LRP1B: variants seen among roughly 807,000 people sequenced by gnomAD.
The protein encoded by LRP1B is low-density lipoprotein receptor-related protein 1B.
Under a neutral mutation model 556.6 loss-of-function variants are expected in LRP1B, and 217 were observed. That is an observed-to-expected ratio of 0.39 (90% CI 0.35 to 0.44). The LOEUF is 0.44. LRP1B is among the 20% of genes least tolerant of loss of function. The probability of loss-of-function intolerance (pLI) is 1.00; values close to 1 mark genes in which losing one functional copy is unlikely to be tolerated. For missense variants in LRP1B, 5,053 were observed against 5,620.8 expected (o/e 0.90, Z 3.23); for synonymous variants, 2,047 against 1,865.8 (o/e 1.10, Z -2.50).
chr2:142,129,909 T>C lies in LRP1B; in HGVS notation c.82+739A>G, dbSNP rs190944134. The stretch of plus-strand genomic sequence containing the variant: ...TACCTCCTTTCTCCTCTGCTCCCCA[T>C]ATCCATTCCCTTCTAAACTTCTACC... On this transcript the variant is annotated intron_variant, in intron 1 of 90. Coordinates refer to ENST00000389484, the MANE Select transcript of LRP1B (RefSeq NM_018557.3). Among the ~76,000 whole-genome samples the C allele has an allele frequency of 2.2e-3, 329 of 152,204 alleles. 4 individuals carry two copies. The highest frequency in any genetic ancestry group is 0.01 in the Middle Eastern group (3 of 294).
At chr2:140,952,487 T>A (rs1174403456) in intron 18 of LRP1B, among the ~76,000 whole-genome samples, 1 of 150,110 alleles carries the variant, frequency 6.7e-6, no homozygotes, top group Non-Finnish European at 1.5e-5. Context: ...AAGTATGAAA[T>A]CTTAGTCTAC....
At chr2:140,933,374 G>T (rs1695110629) in intron 20 of LRP1B, among the ~76,000 whole-genome samples, 1 of 152,042 alleles carries the variant, frequency 6.6e-6, no homozygotes, top group African/African-American at 2.4e-5. Context: ...TCATTACTGA[G>T]GAATGAAGTC....
Position 140,274,554 on chromosome 2 carries a change from C to T in LRP1B, c.13012G>A (p.Gly4338Arg), listed in dbSNP as rs775514879. 6.2e-7 allele frequency: 1 copy of T among 1,612,458 alleles called. No homozygotes were observed. The highest frequency in any genetic ancestry group is 1.1e-5 in the South Asian group (1 of 91,024). Reference protein sequence around the residue: ...YCVNSESCTIGDDGSVECVCP... With the variant: ...YCVNSESCTIRDDGSVECVCP... Reference sequence around the variant, plus strand: ...ACACATTCAACACTTCCATCATCCCCAATGGTACATGATTCAGAATTCACA... The same window carrying T: ...ACACATTCAACACTTCCATCATCCCTAATGGTACATGATTCAGAATTCACA... The change falls in exon 85 of 91, where the codon GGG becomes AGG. Residue 4338 changes from glycine (G) to arginine (R), a missense_variant. By Grantham distance (125) the Gly-to-Arg change is moderately radical. Transcript: ENST00000389484.
rs944630309 is a variant in LRP1B, at chr2:140,372,864, A to G, written c.10768+144T>C. The stretch of plus-strand genomic sequence containing the variant: ...AAACATATGAAGCACACACTAATTA[A>G]TTTATCCACAGATTTGCAGACCCTT... On this transcript the variant is annotated intron_variant, in intron 69 of 90. Transcript: ENST00000389484. 13 of 820,902 alleles carry G rather than the reference A, an allele frequency of 1.6e-5. No individual in the cohort carries two copies. In the African/African-American group the frequency reaches 1.9e-4, roughly 12 times the overall value. The allele number at this position is 820,902 out of a possible 1,614,324, so 50.9% of individuals were successfully genotyped here. A position where few individuals can be genotyped will look rare whatever the true frequency, so the allele number is the denominator to read the frequency against.
In LRP1B at chr2:141,676,295, T is replaced by C. The variant is rs569955556; in HGVS notation, c.205+133984A>G. ...CATTACGTAGTCAAAAATCAATACA[T>C]GTTTATAGAAAATAATTTCATTTTA... On this transcript the variant is annotated intron_variant, in intron 2 of 90. Coordinates refer to ENST00000389484, the MANE Select transcript of LRP1B (RefSeq NM_018557.3). Among the ~76,000 whole-genome samples, 6 of 152,222 alleles carry C rather than the reference T, an allele frequency of 3.9e-5. No homozygotes were observed. In the East Asian group the frequency reaches 1.2e-3, roughly 30 times the overall value.
intron 2 of LRP1B, among the ~76,000 whole-genome samples, chr2:141,694,638 G>T (rs984772422): frequency 6.7e-6 from 1 of 150,000 alleles, no homozygotes. Flanking sequence ...ATGATCATTC[G>T]ATTGTTTCAA....
At chr2:140,292,605 A>G (rs1683433542) in intron 84 of LRP1B, among the ~76,000 whole-genome samples, 1 of 152,162 alleles carries the variant, frequency 6.6e-6, no homozygotes, top group Admixed American at 6.5e-5. Context: ...TCTAAAGGCT[A>G]AACTCTGTGG....
chr2:142,094,430 C>T lies in LRP1B; in HGVS notation c.82+36218G>A, dbSNP rs576013132. On this transcript the variant is annotated intron_variant, in intron 1 of 90. Transcript: ENST00000389484. The stretch of plus-strand genomic sequence containing the variant: ...GTCAGCATTTTGAGGGGCCACTTGG[C>T]CTCATGCAGTTGTAAAATACTTCAA... Among the ~76,000 whole-genome samples, 98 of 152,052 alleles carry T rather than the reference C, an allele frequency of 6.4e-4. 1 individual carries two copies. The highest frequency in any genetic ancestry group is 2.0e-3 in the African/African-American group (84 of 41,492).
intron 31 of LRP1B, among the ~76,000 whole-genome samples, chr2:140,815,814 T>C (rs1220231190): frequency 2.0e-5 from 3 of 150,948 alleles, no homozygotes; most frequent in Non-Finnish European, 4.4e-5. Flanking sequence ...CAATACACAA[T>C]GCCAAGCAAT....
chr2:141,956,544 T>C lies in LRP1B; in HGVS notation c.83-146143A>G, dbSNP rs144371748. ...CATTCTGTGACTTATATTTTCACTGTAATAAAATGCTACCTTTTGATGCCC... is the reference window on the plus strand; with the variant it reads ...CATTCTGTGACTTATATTTTCACTGCAATAAAATGCTACCTTTTGATGCCC... On this transcript the variant is annotated intron_variant, in intron 1 of 90. Transcript: ENST00000389484. Among the ~76,000 whole-genome samples, 1,353 of 152,236 alleles carry C rather than the reference T, an allele frequency of 8.9e-3. 11 individuals carry two copies. The highest frequency in any genetic ancestry group is 0.041 in the South Asian group (199 of 4,822).
chr2:140,657,943 A>C lies in LRP1B; in HGVS notation c.6799+42307T>G, dbSNP rs1469383475. Reference sequence around the variant, plus strand: ...CAAAATTGGCTGTATGTCAATGCTAATTGAAACTGATCCATGGGCCCAAGG... The same window carrying C: ...CAAAATTGGCTGTATGTCAATGCTACTTGAAACTGATCCATGGGCCCAAGG... On this transcript the variant is annotated intron_variant, in intron 41 of 90. Transcript: ENST00000389484. Among the ~76,000 whole-genome samples, 4 of 152,030 alleles carry C rather than the reference A, an allele frequency of 2.6e-5. No homozygotes were observed. The East Asian group carries it at 7.7e-4, about 29-fold the overall frequency.
intron 20 of LRP1B, among the ~76,000 whole-genome samples, chr2:140,931,883 C>T (rs1695060863): frequency 6.6e-6 from 1 of 152,058 alleles, no homozygotes; most frequent in South Asian, 2.1e-4. Context: ...TCAAGTTTCC[C>T]ATTCACTGTT....
chr2:142,024,958 G>C (rs1210291798), intron 1 of LRP1B, among the ~76,000 whole-genome samples: 1 of 152,046 alleles, frequency 6.6e-6, no homozygotes, highest in African/African-American at 2.4e-5. Context: ...AGGGGTTTGC[G>C]TTCTATTTGA....
intron 1 of LRP1B, among the ~76,000 whole-genome samples, chr2:142,079,285 GAGT>G (rs545746240): frequency 9.1e-4 from 138 of 152,116 alleles, no homozygotes; most frequent in Middle Eastern, 3.4e-3. Context: ...TTTGTGTGTT[GAGT>G]TATTTTGCCA....
chr2:140,973,424 G>T (rs1175876923), intron 18 of LRP1B, among the ~76,000 whole-genome samples: 1 of 151,954 alleles, frequency 6.6e-6, no homozygotes, highest in African/African-American at 2.4e-5. Context: ...GTAGGAGGAT[G>T]GGGGGGTAGA....
intron 1 of LRP1B, among the ~76,000 whole-genome samples, chr2:141,862,999 T>A (rs1698298635): frequency 6.6e-6 from 1 of 152,212 alleles, no homozygotes; most frequent in African/African-American, 2.4e-5. Context: ...CTGAGCTCTC[T>A]CTTATGCATT....
At chr2:140,739,255 G>A (rs1344483282) in intron 35 of LRP1B, among the ~76,000 whole-genome samples, 1 of 152,106 alleles carries the variant, frequency 6.6e-6, no homozygotes, top group Non-Finnish European at 1.5e-5. Context: ...AGCCTTTGCA[G>A]AGATTTGGGG....
At position 140,506,838 on chromosome 2, in the gene LRP1B, C is replaced by G. The variant is rs1213725421; in HGVS notation, c.8479G>C (p.Asp2827His). ...TCAGAGCCATCTCCACAGTCGTCAT[C>G]ATGGTCACAAACAAATTGCTTGGGA... ...CIPKQFVCDH[D>H]DDCGDGSDES... Residue 2827 changes from aspartate to histidine, a missense_variant, in exon 53 of 91, where the codon GAT (aspartate) becomes CAT (histidine). By Grantham distance (81) the Asp-to-His change is moderately conservative. This residue lies in a region of LRP1B where 3,619 missense variants were observed against 3,931.9 expected (regional missense o/e 0.92). Coordinates refer to ENST00000389484, the MANE Select transcript of LRP1B (RefSeq NM_018557.3). The G allele has an allele frequency of 1.2e-6, 2 of 1,613,916 alleles. No homozygotes were observed. The highest frequency in any genetic ancestry group is 1.3e-5 in the African/African-American group (1 of 74,918).
At chr2:140,610,868 G>A (rs1249974208) in intron 41 of LRP1B, among the ~76,000 whole-genome samples, 1 of 152,232 alleles carries the variant, frequency 6.6e-6, no homozygotes, top group East Asian at 1.9e-4. Flanking sequence ...ACAGTGCCCA[G>A]CCTAGACTTT....
Sources: allele counts gnomAD v4.1 joint callset (sites outside exome capture counted in the v4.1 genomes callset), GRCh38; gene constraint gnomAD v4.1.1; regional missense constraint gnomAD v4.1.1; transcripts MANE v1.5; gene names NCBI Gene and HGNC (gene_info 2026-07-23, HGNC 2026-07-21).